The following MGAT1 variants were observed in gnomAD, a reference collection of about 807,000 sequenced individuals.
The protein encoded by MGAT1 is N-glycosyl-oligosaccharide-glycoprotein N-acetylglucosaminyltransferase I.
MGAT1 carries 14 observed loss-of-function variants against 31.7 expected under a neutral mutation model. The ratio of observed to expected loss-of-function variants is 0.44; its 90% CI spans 0.29 to 0.69. MGAT1 has a LOEUF of 0.69. Ranked by LOEUF, MGAT1 falls within the 30% of genes least tolerant of loss-of-function variation. The pLI, the probability that MGAT1 is intolerant of heterozygous loss-of-function variation, is 0.12. For missense variants in MGAT1, 557 were observed against 626.0 expected (o/e 0.89, Z 1.18); for synonymous variants, 338 against 276.0 (o/e 1.22, Z -2.23).
Position 180,792,033 on chromosome 5 carries a change from G to C in MGAT1, c.939C>G (p.Thr313=). 6.2e-7 allele frequency: 1 copy of C among 1,614,072 alleles called. No individual in the cohort carries two copies. The highest frequency in any genetic ancestry group is 8.5e-7 in the Non-Finnish European group (1 of 1,180,042). The change falls in exon 2 of 2, where the codon ACC becomes ACG. Residue 313 remains threonine, a synonymous_variant. Transcript: ENST00000307826. The stretch of plus-strand genomic sequence containing the variant: ...CGTGGCTCACACCCTTGCGGCCAAA[G>C]GTCATCGTTCTTGAGATCTCAGGGC... The part of the protein sequence containing the change: ...CIRPEISRTM[T]FGRKGVSHGQ...
rs1767852954 is a variant in MGAT1, at chr5:180,789,993, G to A, written c.*1641C>T. 1 of 152,184 alleles carries A rather than the reference G, an allele frequency of 6.6e-6. No homozygotes were observed. The highest frequency in any genetic ancestry group is 2.4e-5 in the African/African-American group (1 of 41,436). 9.4% of individuals were successfully genotyped at this position (152,184 alleles called of 1,614,324 possible). A position where few individuals can be genotyped will look rare whatever the true frequency, so the allele number is the denominator to read the frequency against. On this transcript the variant is annotated 3_prime_UTR_variant, in exon 2 of 2. Transcript: ENST00000307826. ...ACTCTCAGAATGTTGCACGTGATAT[G>A]CAGAGGTAACAGTCTGTCTGTGTTC... is the stretch of plus-strand genomic sequence containing the variant.
Position 180,788,928 on chromosome 5 carries a change from T to A in MGAT1, c.*2706A>T, listed in dbSNP as rs1177911885. On this transcript the variant is annotated 3_prime_UTR_variant, in exon 2 of 2. Coordinates refer to ENST00000307826, the MANE Select transcript of MGAT1 (RefSeq NM_002406.4). ...ACTTGGCTAGCTGCATGACATGCTATGCGCATGGAGCGTGGCGGCCAAACT... is the reference window on the plus strand; with the variant it reads ...ACTTGGCTAGCTGCATGACATGCTAAGCGCATGGAGCGTGGCGGCCAAACT... 1 of 152,290 alleles carries A rather than the reference T, an allele frequency of 6.6e-6. No individual in the cohort carries two copies. The highest frequency in any genetic ancestry group is 6.5e-5 in the Admixed American group (1 of 15,290). The allele number at this position is 152,290 out of a possible 1,614,324, so 9.4% of individuals were successfully genotyped here.
Position 180,792,983 on chromosome 5 carries a change from C to T in MGAT1, c.-12G>A. On this transcript the variant is annotated 5_prime_UTR_variant, in exon 2 of 2. In the 5' UTR this introduces an upstream ATG that the reference lacks. Coordinates refer to ENST00000307826, the MANE Select transcript of MGAT1 (RefSeq NM_002406.4). ...TGCTTCTTCAGCATCCTGGCCCCCA[C>T]CGGGGAGGGCAGGCCAGGGGACGGT... The T allele has an allele frequency of 6.2e-7, 1 of 1,612,620 alleles. No individual in the cohort carries two copies. The highest frequency in any genetic ancestry group is 1.3e-5 in the African/African-American group (1 of 75,048).
intron 1 of MGAT1, among the ~76,000 whole-genome samples, chr5:180,797,406 CAAAAA>C (rs929442972): frequency 0.027 from 1,401 of 51,846 alleles, 7 homozygotes; most frequent in East Asian, 0.04. Flanking sequence ...CATCCCCCAC[CAAAAA>C]AAAAAAAAAA....
Position 180,785,046 on chromosome 5 carries a change from A to G in MGAT1, c.*6588T>C, listed in dbSNP as rs1767480005. The G allele has an allele frequency of 6.6e-6, 1 of 152,228 alleles. No homozygotes were observed. Among genetic ancestry groups the G allele is most frequent in the African/African-American group, 2.4e-5 (1 of 41,450 alleles). 9.4% of individuals were successfully genotyped at this position (152,228 alleles called of 1,614,324 possible). A position where few individuals can be genotyped will look rare whatever the true frequency, so the allele number is the denominator to read the frequency against. Reference sequence around the variant, plus strand: ...TGAGTTTGAATATTTTCATAATAAAAACTTGAAAAACAGAATATAAAATTG... The same window carrying G: ...TGAGTTTGAATATTTTCATAATAAAGACTTGAAAAACAGAATATAAAATTG... On this transcript the variant is annotated 3_prime_UTR_variant, in exon 2 of 2. Coordinates refer to ENST00000307826, the MANE Select transcript of MGAT1 (RefSeq NM_002406.4).
chr5:180,793,114 G>A lies in MGAT1; in HGVS notation c.-126-17C>T. 1 of 1,023,978 alleles carries A rather than the reference G, an allele frequency of 9.8e-7. No individual in the cohort carries two copies. Among genetic ancestry groups the A allele is most frequent in the South Asian group, 1.7e-5 (1 of 59,102 alleles). The allele number at this position is 1,023,978 out of a possible 1,614,324, so 63.4% of individuals were successfully genotyped here. A position where few individuals can be genotyped will look rare whatever the true frequency, so the allele number is the denominator to read the frequency against. On this transcript the variant is annotated splice_polypyrimidine_tract_variant and intron_variant, in intron 1 of 1. Transcript: ENST00000307826. ...GCCATGCACCTAAAGACAGGAGAGAGAAAGCAAACCGTCACACAAAGGCTC... is the reference window on the plus strand; with the variant it reads ...GCCATGCACCTAAAGACAGGAGAGAAAAAGCAAACCGTCACACAAAGGCTC...
chr5:180,805,643 G>A (rs1401107065), upstream of MGAT1, among the ~76,000 whole-genome samples: 4 of 152,088 alleles, frequency 2.6e-5, no homozygotes, highest in African/African-American at 9.7e-5. Context: ...CCAGCTACTC[G>A]GGAGGCTGAG....
At chr5:180,798,016 G>A (rs1769874708) in intron 1 of MGAT1, among the ~76,000 whole-genome samples, 1 of 152,158 alleles carries the variant, frequency 6.6e-6, no homozygotes, top group South Asian at 2.1e-4. Flanking sequence ...CCAGACCTTG[G>A]CCAGCAGCGG....
intron 1 of MGAT1, among the ~76,000 whole-genome samples, 190 bp from the exon 2 acceptor site, chr5:180,793,287 G>A (rs1193250383): frequency 6.6e-6 from 1 of 152,206 alleles, no homozygotes; most frequent in Non-Finnish European, 1.5e-5. Flanking sequence ...GAGAGGCAGA[G>A]AGTGATGCTG....
upstream of MGAT1, chr5:180,803,610 G>A (rs1771382180): frequency 6.6e-6 from 1 of 152,338 alleles, no homozygotes; most frequent in Non-Finnish European, 1.5e-5. Flanking sequence ...ACCTGTCGCT[G>A]AGCCAGGAGT....
In MGAT1 at chr5:180,787,423, G is replaced by C. The variant is rs1378502933; in HGVS notation, c.*4211C>G. The stretch of plus-strand genomic sequence containing the variant: ...CTGAAATCCCACGTTAGATATTTCA[G>C]AAAGAGGGCAAGCTTCTGTTCTATA... On this transcript the variant is annotated 3_prime_UTR_variant, in exon 2 of 2. Transcript: ENST00000307826. The C allele has an allele frequency of 1.3e-5, 2 of 152,250 alleles. No homozygotes were observed. The highest frequency in any genetic ancestry group is 4.8e-5 in the African/African-American group (2 of 41,464). 9.4% of individuals were successfully genotyped at this position (152,250 alleles called of 1,614,324 possible). A position where few individuals can be genotyped will look rare whatever the true frequency, so the allele number is the denominator to read the frequency against.
chr5:180,813,653 C>T (rs1772699669), intron 1 of MGAT1, among the ~76,000 whole-genome samples: 2 of 152,250 alleles, frequency 1.3e-5, no homozygotes, highest in South Asian at 2.1e-4. Context: ...CAGAGTCTCG[C>T]GGACTGTCAT....
At position 180,790,326 on chromosome 5, in the gene MGAT1, C is replaced by A. The variant is rs149611427; in HGVS notation, c.*1308G>T. ...CTCTACAGGACGATCAGCAGGAGCA[C>A]AGTCCGGGGCTCCTCTCCACCTTGT... On this transcript the variant is annotated 3_prime_UTR_variant, in exon 2 of 2. Transcript: ENST00000307826. The A allele has an allele frequency of 0.011, 1,726 of 152,334 alleles. 18 individuals are homozygous for A. The highest frequency in any genetic ancestry group is 0.016 in the Non-Finnish European group (1,119 of 68,082). 9.4% of individuals were successfully genotyped at this position (152,334 alleles called of 1,614,324 possible).
chr5:180,798,464 C>A lies in MGAT1; in HGVS notation c.-127+4216G>T, dbSNP rs186058540. On this transcript the variant is annotated intron_variant, in intron 1 of 1. Coordinates refer to ENST00000307826, the MANE Select transcript of MGAT1 (RefSeq NM_002406.4). Reference sequence around the variant, plus strand: ...TCACCAACAGCAACAAGCGCAACCACTTGCTCAACTTCTCTCAGGCCCCCT... The same window carrying A: ...TCACCAACAGCAACAAGCGCAACCAATTGCTCAACTTCTCTCAGGCCCCCT... Among the ~76,000 whole-genome samples, 663 of 152,322 alleles carry A rather than the reference C, an allele frequency of 4.4e-3. 2 individuals are homozygous for A. Among genetic ancestry groups the A allele is most frequent in the Non-Finnish European group, 6.7e-3 (459 of 68,030 alleles).
At chr5:180,803,239 G>A (rs59328476), upstream of MGAT1, 1,145 of 152,738 alleles carry the variant, frequency 7.5e-3, 16 homozygotes, top group African/African-American at 0.026. Flanking sequence ...CCAGGGTCGC[G>A]TGGGGCAGGG....
chr5:180,793,429 C>A (rs756832030), intron 1 of MGAT1, among the ~76,000 whole-genome samples: 3 of 152,118 alleles, frequency 2.0e-5, no homozygotes, highest in Non-Finnish European at 4.4e-5. Flanking sequence ...CTAACCTAAG[C>A]GCCCCAAGAT....
chr5:180,794,880 G>A (rs1488558167), intron 1 of MGAT1, among the ~76,000 whole-genome samples: 1 of 152,300 alleles, frequency 6.6e-6, no homozygotes, highest in East Asian at 1.9e-4. Context: ...CTACACAGGA[G>A]TGTTGATGGT....
At chr5:180,811,105 C>G (rs1192776808) in intron 1 of MGAT1, 1 of 152,224 alleles carries the variant, frequency 6.6e-6, no homozygotes, top group Non-Finnish European at 1.5e-5. Context: ...TTTTGAAGTT[C>G]CTATGCAGCC....
intron 1 of MGAT1, among the ~76,000 whole-genome samples, chr5:180,802,424 C>T (rs1239930564): frequency 1.3e-5 from 2 of 152,286 alleles, no homozygotes; most frequent in South Asian, 2.1e-4. Context: ...CTCCCCAGTC[C>T]GCGGAGCCCG....
Sources: allele counts gnomAD v4.1 joint callset (sites outside exome capture counted in the v4.1 genomes callset), GRCh38; gene constraint gnomAD v4.1.1; transcripts MANE v1.5; gene names NCBI Gene and HGNC (gene_info 2026-07-23, HGNC 2026-07-21).